The following DAGLB variants were observed in gnomAD, a reference collection of about 807,000 sequenced individuals.
The protein encoded by DAGLB is diacylglycerol lipase beta.
A neutral mutation model predicts 72.1 loss-of-function variants in DAGLB; 66 were observed. The ratio of observed to expected loss-of-function variants is 0.92; its 90% confidence interval spans 0.75 to 1.12. The LOEUF (loss-of-function observed/expected upper bound fraction) is 1.12, where lower values mean the gene tolerates loss of function less well. Among genes scored for constraint, DAGLB ranks in the 50% most tolerant of loss-of-function variants. The probability of loss-of-function intolerance (pLI) is 0.00; values close to 1 mark genes in which losing one functional copy is unlikely to be tolerated. For synonymous variants in DAGLB, 414 were observed against 359.5 expected (o/e 1.15, Z -1.71); for missense variants, 1,065 against 884.9 (o/e 1.20, Z -2.58).
In DAGLB at chr7:6,410,134, C is replaced by T. The variant is rs1028703911; in HGVS notation, c.1816G>A (p.Gly606Arg). ...IIHLQEEGAS[G>R]RFGCCSAAHY... ...CACCCACCACGCCGCACTCACCGCC[C>T]CGAGGCGCCCTCCTCCTGCAGGTGG... Residue 606 changes from glycine to arginine, a missense_variant, in exon 14 of 15, where the codon GGG (glycine) becomes AGG (arginine). Coordinates refer to ENST00000297056, the MANE Select transcript of DAGLB (RefSeq NM_139179.4). The T allele has an allele frequency of 1.3e-6, 2 of 1,571,864 alleles. No individual in the cohort carries two copies. Among genetic ancestry groups the T allele is most frequent in the Non-Finnish European group, 1.7e-6 (2 of 1,155,958 alleles).
intron 3 of DAGLB, 59 bp downstream of exon 3, chr7:6,436,303 G>C (rs1784655100): frequency 6.4e-7 from 1 of 1,553,626 alleles, no homozygotes; most frequent in African/African-American, 1.4e-5. Flanking sequence ...ATGTTAGAAG[G>C]GTTTGTTCAC....
intron 3 of DAGLB, 131 bp downstream of exon 3, chr7:6,436,231 G>T: frequency 6.9e-6 from 8 of 1,165,714 alleles, no homozygotes; most frequent in Non-Finnish European, 9.6e-6. Context: ...CATGAGTTAC[G>T]CAGAAACTAA....
chr7:6,419,180 C>T (rs947856607), intron 9 of DAGLB, among the ~76,000 whole-genome samples: 3 of 150,972 alleles, frequency 2.0e-5, no homozygotes, highest in African/African-American at 7.3e-5. Flanking sequence ...CACCACCACA[C>T]CCGGCTAATT....
At chr7:6,419,627 C>T (rs1337042600) in intron 9 of DAGLB, among the ~76,000 whole-genome samples, 1 of 152,204 alleles carries the variant, frequency 6.6e-6, no homozygotes. Flanking sequence ...GATGAACTGT[C>T]ACTAAAATAT....
intron 9 of DAGLB, among the ~76,000 whole-genome samples, chr7:6,419,204 T>C (rs1477059116): frequency 6.6e-6 from 1 of 151,522 alleles, no homozygotes; most frequent in Non-Finnish European, 1.5e-5. Flanking sequence ...GTATTTTCAG[T>C]AGAGATGGGG....
At chr7:6,421,034 G>A (rs1306951157) in intron 9 of DAGLB, among the ~76,000 whole-genome samples, 1 of 152,206 alleles carries the variant, frequency 6.6e-6, no homozygotes, top group Non-Finnish European at 1.5e-5. Context: ...TGGGTGTGGT[G>A]GCTCACGCCC....
At position 6,447,940 on chromosome 7, in the gene DAGLB, C is replaced by T. The variant is rs774810832; in HGVS notation, c.-98G>A. The T allele has an allele frequency of 3.4e-6, 5 of 1,461,504 alleles. No homozygotes were observed. Among genetic ancestry groups the T allele is most frequent in the Admixed American group, 5.4e-5 (2 of 37,114 alleles). 90.5% of individuals were successfully genotyped at this position (1,461,504 alleles called of 1,614,324 possible). ...GGACGCCGCCACCAAATTATCGGCGCTCAAGCGCAAACGCAGCGAGGGCGG... is the reference window on the plus strand; with the variant it reads ...GGACGCCGCCACCAAATTATCGGCGTTCAAGCGCAAACGCAGCGAGGGCGG... On this transcript the variant is annotated 5_prime_UTR_variant, in exon 1 of 15. Coordinates refer to ENST00000297056, the MANE Select transcript of DAGLB (RefSeq NM_139179.4).
chr7:6,409,599 G>A lies in DAGLB; in HGVS notation c.*238C>T. On this transcript the variant is annotated 3_prime_UTR_variant, in exon 15 of 15. Transcript: ENST00000297056. The stretch of plus-strand genomic sequence containing the variant: ...AGGGCTTCCCGAGGCTGTCTCCACG[G>A]TCGCTGGGTCTCAGGAGTCGTCCTA... 1.8e-6 allele frequency: 1 copy of A among 563,294 alleles called. No homozygotes were observed. Among genetic ancestry groups the A allele is most frequent in the South Asian group, 2.1e-5 (1 of 47,812 alleles). The allele number at this position is 563,294 out of a possible 1,614,324, so 34.9% of individuals were successfully genotyped here.
chr7:6,427,699 C>T (rs1429341226), intron 6 of DAGLB, among the ~76,000 whole-genome samples: 1 of 152,138 alleles, frequency 6.6e-6, no homozygotes, highest in African/African-American at 2.4e-5. Flanking sequence ...AGGTGAATCA[C>T]TTGAGCCCAG....
intron 6 of DAGLB, among the ~76,000 whole-genome samples, chr7:6,429,981 T>C (rs1307499809): frequency 5.3e-4 from 81 of 151,620 alleles, no homozygotes; most frequent in Non-Finnish European, 1.0e-4. Context: ...GAGGCGGAGC[T>C]TGCAGTGAGC....
At position 6,445,839 on chromosome 7, in the gene DAGLB, A is replaced by G. The variant is rs1294060636; in HGVS notation, c.247+114T>C. ...GTGATGGCTGCACAACTCTGTGATT[A>G]TATTAAAAACTGTTGAATTGGAAAG... is the stretch of plus-strand genomic sequence containing the variant. On this transcript the variant is annotated intron_variant, in intron 2 of 14. Transcript: ENST00000297056. 13 of 1,177,638 alleles carry G rather than the reference A, an allele frequency of 1.1e-5. 1 individual carries two copies. In the South Asian group the frequency reaches 2.1e-4, roughly 19 times the overall value. The allele number at this position is 1,177,638 out of a possible 1,614,324, so 72.9% of individuals were successfully genotyped here.
At chr7:6,429,998 T>A (rs901109086) in intron 6 of DAGLB, among the ~76,000 whole-genome samples, 2 of 151,112 alleles carry the variant, frequency 1.3e-5, no homozygotes, top group Non-Finnish European at 2.9e-5. Context: ...GAGCCGAGAT[T>A]GTGCCACTGC....
chr7:6,447,791 AGTC>A lies in DAGLB; in HGVS notation c.49_51del (p.Asp17del). The A allele has an allele frequency of 6.2e-7, 1 of 1,613,656 alleles. No homozygotes were observed. The highest frequency in any genetic ancestry group is 8.5e-7 in the Non-Finnish European group (1 of 1,179,858). ...AGCTCGAAGAACCCTGGGAAGACCA[AGTC>A]GTCGCTGGCGATGGCCCAGCGCCGG... On this transcript the variant is annotated inframe_deletion, in exon 1 of 15. Transcript: ENST00000297056.
chr7:6,444,778 G>A (rs1331722980), intron 2 of DAGLB, among the ~76,000 whole-genome samples: 1 of 151,288 alleles, frequency 6.6e-6, no homozygotes, highest in East Asian at 1.9e-4. Context: ...AAAAACAAAT[G>A]GCCTGTGGCC....
intron 9 of DAGLB, among the ~76,000 whole-genome samples, chr7:6,420,091 G>A (rs1054602241): frequency 1.3e-5 from 2 of 152,154 alleles, no homozygotes; most frequent in Admixed American, 1.3e-4. Flanking sequence ...AGGCTGCAGT[G>A]AGCTATGATC....
chr7:6,416,940 A>C lies in DAGLB; in HGVS notation c.1219-19T>G. 1 of 1,613,884 alleles carries C rather than the reference A, an allele frequency of 6.2e-7. No individual in the cohort carries two copies. On this transcript the variant is annotated intron_variant, in intron 9 of 14. Coordinates refer to ENST00000297056, the MANE Select transcript of DAGLB (RefSeq NM_139179.4). ...AAATACCCTAAAAACACAGACAAAG[A>C]AGGTGGCCGTTAATCCTCAGACAAG...
intron 8 of DAGLB, among the ~76,000 whole-genome samples, chr7:6,423,412 A>T (rs75951675): frequency 4.6e-5 from 7 of 151,564 alleles, no homozygotes; most frequent in African/African-American, 1.7e-4. Flanking sequence ...CAGGGCGCAC[A>T]GAAACCACAG....
rs369592065 is a variant in DAGLB at position 6,434,952 on chromosome 7, G to T, written c.488C>A (p.Ala163Asp). Residue 163 changes from alanine (A) to aspartate (D), a missense_variant, in exon 4 of 15, where the codon GCT becomes GAT. Ala to Asp is a moderately radical substitution (Grantham distance 126, BLOSUM62 -2). Coordinates refer to ENST00000297056, the MANE Select transcript of DAGLB (RefSeq NM_139179.4). ...GCTGGGGCCGGCAGAGGAATATGGA[G>T]CCATTTTCCCCCCAAGAGGGTCAAA... ...IVFDPLGGKM[A>D]PYSSAGPSHL... The T allele has an allele frequency of 3.5e-5, 56 of 1,613,966 alleles. No homozygotes were observed. The highest frequency in any genetic ancestry group is 4.2e-5 in the Non-Finnish European group (49 of 1,180,036).
intron 4 of DAGLB, among the ~76,000 whole-genome samples, chr7:6,433,697 G>T (rs1189212708): frequency 6.6e-6 from 1 of 151,974 alleles, no homozygotes; most frequent in Non-Finnish European, 1.5e-5. Context: ...AAAATTAGCT[G>T]GGCGTGGTGG....
Sources: gnomAD v4.1 joint callset for allele counts (sites outside exome capture counted in the v4.1 genomes callset) on GRCh38, gnomAD v4.1.1 for gene constraint, MANE v1.5 for transcripts, NCBI Gene and HGNC (gene_info 2026-07-23, HGNC 2026-07-21) for gene names.